The following KCNU1 variants were observed in gnomAD, a reference collection of about 807,000 sequenced individuals.
KCNU1 encodes potassium calcium-activated channel subfamily U member 1.
In KCNU1, 93 loss-of-function variants were observed where a neutral mutation model predicts 126.8. The observed-to-expected ratio is 0.73, with a 90% CI of 0.62 to 0.87. KCNU1 has a LOEUF of 0.87. KCNU1 is among the 40% of genes least tolerant of loss of function. The probability of loss-of-function intolerance (pLI) is 0.00; values close to 1 mark genes in which losing one functional copy is unlikely to be tolerated. For synonymous variants in KCNU1, 523 were observed against 494.2 expected (o/e 1.06, Z -0.77); for missense variants, 1,330 against 1,367.1 (o/e 0.97, Z 0.43).
intron 18 of KCNU1, among the ~76,000 whole-genome samples, chr8:36,856,709 G>A (rs1158744005): frequency 6.6e-6 from 1 of 152,156 alleles, no homozygotes; most frequent in Non-Finnish European, 1.5e-5. Flanking sequence ...TATTATGCCT[G>A]AGTTATCTAT....
At chr8:36,844,888 A>T (rs147714434) in intron 16 of KCNU1, among the ~76,000 whole-genome samples, 1 of 152,314 alleles carries the variant, frequency 6.6e-6, no homozygotes, top group East Asian at 1.9e-4. Context: ...ATAAACAGGG[A>T]GAAATGTGGG....
chr8:36,885,122 G>A (rs1252642692), intron 19 of KCNU1, among the ~76,000 whole-genome samples: 4 of 152,144 alleles, frequency 2.6e-5, no homozygotes, highest in African/African-American at 9.7e-5. Flanking sequence ...ATAAGGTATA[G>A]AATGAGAAAC....
chr8:36,889,442 C>A, intron 19 of KCNU1: 1 of 314,844 alleles, frequency 3.2e-6, no homozygotes. Context: ...TTGACTCTGA[C>A]TTATTTGGTG....
intron 18 of KCNU1, among the ~76,000 whole-genome samples, chr8:36,856,071 T>A (rs1805518949): frequency 6.6e-6 from 1 of 152,210 alleles, no homozygotes; most frequent in African/African-American, 2.4e-5. Context: ...ATAATTAACA[T>A]CAGTTAATGT....
At chr8:36,849,555 G>A (rs576168245) in intron 18 of KCNU1, among the ~76,000 whole-genome samples, 12 of 152,158 alleles carry the variant, frequency 7.9e-5, no homozygotes, top group Non-Finnish European at 1.8e-4. Flanking sequence ...AGGCCACTGC[G>A]CTCCAGCCTG....
intron 23 of KCNU1, among the ~76,000 whole-genome samples, chr8:36,920,750 G>T (rs1444110731): frequency 1.3e-5 from 2 of 152,250 alleles, no homozygotes; most frequent in East Asian, 1.9e-4. Flanking sequence ...GCATGTGTGT[G>T]TGTGGAGGGC....
At position 36,829,834 on chromosome 8, in the gene KCNU1, CT is replaced by C. The variant is rs528197476; in HGVS notation, c.1107-3716del. Among the ~76,000 whole-genome samples, 751 of 151,116 alleles carry C rather than the reference CT, an allele frequency of 5.0e-3. 10 individuals are homozygous for C. The highest frequency in any genetic ancestry group is 0.017 in the African/African-American group (712 of 41,414). ...ATTTCCCAGGTAGAGAGCTTACTAA[CT>C]TTTATTTCTAGGTACTTGGTATTTT... is the stretch of plus-strand genomic sequence containing the variant. On this transcript the variant is annotated intron_variant, in intron 10 of 26. Transcript: ENST00000399881.
At chr8:36,850,742 C>A (rs981095185) in intron 18 of KCNU1, among the ~76,000 whole-genome samples, 5 of 152,204 alleles carry the variant, frequency 3.3e-5, no homozygotes, top group Non-Finnish European at 7.3e-5. Context: ...CAGGCATGAG[C>A]CGATGTGCCC....
At chr8:36,812,553 A>G (rs1036951761) in intron 7 of KCNU1, among the ~76,000 whole-genome samples, 1 of 152,108 alleles carries the variant, frequency 6.6e-6, no homozygotes, top group African/African-American at 2.4e-5. Flanking sequence ...GTGTCCTCAT[A>G]TTTTTCTTCT....
At chr8:36,835,707 A>G (rs1451857235) in intron 12 of KCNU1, among the ~76,000 whole-genome samples, 1 of 152,196 alleles carries the variant, frequency 6.6e-6, no homozygotes, top group African/African-American at 2.4e-5. Context: ...GAACTCTTCT[A>G]GCAAGAACGT....
chr8:36,788,357 G>A (rs916850784), intron 2 of KCNU1, among the ~76,000 whole-genome samples: 2 of 152,064 alleles, frequency 1.3e-5, no homozygotes, highest in Non-Finnish European at 2.9e-5. Context: ...TCATGGAAAT[G>A]TTTATTTCCC....
At chr8:36,906,143 G>A (rs1164428056) in intron 20 of KCNU1, among the ~76,000 whole-genome samples, 1 of 149,616 alleles carries the variant, frequency 6.7e-6, no homozygotes, top group Non-Finnish European at 1.5e-5. Context: ...TAATTTAAAT[G>A]CACCAGGGAA....
At chr8:36,869,505 G>A (rs1000679044) in intron 19 of KCNU1, among the ~76,000 whole-genome samples, 1 of 151,958 alleles carries the variant, frequency 6.6e-6, no homozygotes, top group East Asian at 1.9e-4. Context: ...ACCAGGGACC[G>A]TAAATGCTAT....
rs1382784597 is a variant in KCNU1, at chr8:36,831,786, G to C, written c.1107-1768G>C. Among the ~76,000 whole-genome samples, 9 of 149,900 alleles carry C rather than the reference G, an allele frequency of 6.0e-5. No homozygotes were observed. The East Asian group carries it at 1.6e-3, about 26-fold the overall frequency. On this transcript the variant is annotated intron_variant, in intron 10 of 26. Coordinates refer to ENST00000399881, the MANE Select transcript of KCNU1 (RefSeq NM_001031836.3). Reference sequence around the variant, plus strand: ...TAATTAGATCCCATTTGTCAATTTTGGCTTTTGTTGCCATTGCTTTTGGTG... The same window carrying C: ...TAATTAGATCCCATTTGTCAATTTTCGCTTTTGTTGCCATTGCTTTTGGTG...
At position 36,784,549 on chromosome 8, in the gene KCNU1, C is replaced by G. The variant is rs927516965; in HGVS notation, c.139C>G (p.Leu47Val). 2 of 1,613,560 alleles carry G rather than the reference C, an allele frequency of 1.2e-6. No individual in the cohort carries two copies. The highest frequency in any genetic ancestry group is 3.3e-5 in the Admixed American group (2 of 60,014). ...ACTCATCATCCTGTTGATCTTCAGG[C>G]TGATCTGGAGATCTGTTAAAAAATG... ...SGLIILLIFR[L>V]IWRSVKKWQI... The change falls in exon 1 of 27, where the codon CTG becomes GTG. Residue 47 changes from leucine (L) to valine (V), a missense_variant. Transcript: ENST00000399881.
intron 4 of KCNU1, among the ~76,000 whole-genome samples, chr8:36,805,906 C>T (rs999102493): frequency 2.0e-5 from 3 of 152,002 alleles, no homozygotes; most frequent in African/African-American, 4.8e-5. Context: ...TACAGTGAAG[C>T]GTTCTTGGCT....
At chr8:36,808,850 G>A in intron 7 of KCNU1, 57 bp downstream of exon 7, 1 of 1,283,550 alleles carries the variant, frequency 7.8e-7, no homozygotes, top group Non-Finnish European at 1.1e-6. Context: ...TCCATTTTTT[G>A]AAAAATGGAA....
chr8:36,859,716 G>A (rs953760409), intron 18 of KCNU1, among the ~76,000 whole-genome samples: 1 of 152,154 alleles, frequency 6.6e-6, no homozygotes, highest in Non-Finnish European at 1.5e-5. Flanking sequence ...GAAACATAGA[G>A]TGCTGGTTAA....
At chr8:36,849,688 A>T (rs1319123467) in intron 18 of KCNU1, among the ~76,000 whole-genome samples, 1 of 152,226 alleles carries the variant, frequency 6.6e-6, no homozygotes, top group African/African-American at 2.4e-5. Context: ...ATATTCTGTC[A>T]TATAGATCTA....
Sources: gnomAD v4.1 joint callset for allele counts (sites outside exome capture counted in the v4.1 genomes callset) on GRCh38, gnomAD v4.1.1 for gene constraint, MANE v1.5 for transcripts, NCBI Gene and HGNC (gene_info 2026-07-23, HGNC 2026-07-21) for gene names.